STARD9: variants seen among roughly 807,000 people sequenced by gnomAD.
STARD9 encodes the protein StAR related lipid transfer domain containing 9.
STARD9 carries 346 observed loss-of-function variants against 399.8 expected under a neutral mutation model. The observed-to-expected ratio is 0.87, with a 90% confidence interval of 0.79 to 0.95. STARD9 has a LOEUF of 0.95. STARD9 is among the 40% of genes least tolerant of loss of function. The pLI, the probability that STARD9 is intolerant of heterozygous loss-of-function variation, is 0.00. For synonymous variants in STARD9, 2,203 were observed against 2,143.5 expected (o/e 1.03, Z -0.77); for missense variants, 5,832 against 5,667.5 (o/e 1.03, Z -0.93).
At chr15:42,604,600 T>C (rs2058693035) in intron 3 of STARD9, among the ~76,000 whole-genome samples, 1 of 151,128 alleles carries the variant, frequency 6.6e-6, no homozygotes, top group South Asian at 2.1e-4. Context: ...GTTCATAGTA[T>C]GATTGCTTTA....
In STARD9 at chr15:42,634,881, TA is replaced by T. The variant is rs1273384202; in HGVS notation, c.261del (p.Leu88CysfsTer35). 1 of 1,535,356 alleles carries T rather than the reference TA, an allele frequency of 6.5e-7. No individual in the cohort carries two copies. Among genetic ancestry groups the T allele is most frequent in the East Asian group, 2.4e-5 (1 of 40,836 alleles). ...DVVFQDLGME[V>X]LSGVAKGYNI... is the part of the protein sequence containing the mutation. ...GTTTTCCAGGATTTAGGGATGGAAGTACTGTCTGGAGTTGCCAAAGGCTATA... is the reference window on the plus strand; with the variant it reads ...GTTTTCCAGGATTTAGGGATGGAAGTCTGTCTGGAGTTGCCAAAGGCTATA... On this transcript the variant is annotated frameshift_variant, in exon 4 of 33. Transcript: ENST00000290607. LOFTEE classifies it high-confidence loss of function.
At chr15:42,615,540 A>G (rs1049238481) in intron 3 of STARD9, among the ~76,000 whole-genome samples, 1 of 151,664 alleles carries the variant, frequency 6.6e-6, no homozygotes, top group African/African-American at 2.4e-5. Flanking sequence ...ATATTAAAAA[A>G]CATCCCATAT....
At position 42,634,948 on chromosome 15, in the gene STARD9, G is replaced by A. The variant is rs2059392243; in HGVS notation, c.327G>A (p.Lys109=). The A allele has an allele frequency of 6.5e-7, 1 of 1,536,426 alleles. No homozygotes were observed. Among genetic ancestry groups the A allele is most frequent in the Non-Finnish European group, 8.7e-7 (1 of 1,146,308 alleles). The change falls in exon 4 of 33, where the codon AAG becomes AAA. Residue 109 remains lysine, a synonymous_variant. Transcript: ENST00000290607. The part of the protein sequence containing the change: ...LFAYGQTGSG[K]TYTMLGTPAS... ...CTTATGGACAGACAGGCTCTGGGAA[G>A]ACATATACCATGCTGGGGACCCCAG...
At chr15:42,663,712 T>G (rs918240978) in intron 12 of STARD9, 108 bp from the exon 13 acceptor site, 32 of 935,744 alleles carry the variant, frequency 3.4e-5, no homozygotes, top group Non-Finnish European at 5.1e-5. Flanking sequence ...CCTAGGTTTC[T>G]CATTTCATCA....
At chr15:42,597,701 A>G (rs749904148) in intron 3 of STARD9, among the ~76,000 whole-genome samples, 1 of 151,678 alleles carries the variant, frequency 6.6e-6, no homozygotes, top group Non-Finnish European at 1.5e-5. Context: ...ATGCCCAGCT[A>G]ATTTTTGTAT....
Position 42,689,212 on chromosome 15 carries a change from C to T in STARD9, c.7634C>T (p.Ala2545Val). The stretch of plus-strand genomic sequence containing the variant: ...AGGCTGTTGGAGCCCTCTGACCATG[C>T]ATCCATGTGCCTGGCCATCTTGGAG... Reference protein sequence around the residue: ...EPRLLEPSDHASMCLAILEEI... With the variant: ...EPRLLEPSDHVSMCLAILEEI... The change falls in exon 23 of 33, where the codon GCA becomes GTA. Residue 2545 changes from alanine (A) to valine (V), a missense_variant. Around this residue, in one of 2 missense-constraint regions of STARD9, gnomAD observed 5,828 missense variants for 5,651.1 expected, o/e 1.03. Coordinates refer to ENST00000290607, the MANE Select transcript of STARD9 (RefSeq NM_020759.3). 2 of 1,537,308 alleles carry T rather than the reference C, an allele frequency of 1.3e-6. No homozygotes were observed. Among genetic ancestry groups the T allele is most frequent in the Non-Finnish European group, 8.7e-7 (1 of 1,146,920 alleles).
chr15:42,681,256 A>G (rs1319434949), intron 20 of STARD9, among the ~76,000 whole-genome samples, 166 bp from the exon 21 acceptor site: 3 of 152,174 alleles, frequency 2.0e-5, no homozygotes, highest in Non-Finnish European at 4.4e-5. Context: ...TGACATCGTA[A>G]GCTGCCTGTG....
intron 3 of STARD9, among the ~76,000 whole-genome samples, chr15:42,610,837 G>A (rs961544977): frequency 5.3e-5 from 8 of 152,160 alleles, no homozygotes; most frequent in South Asian, 2.1e-4. Flanking sequence ...GTGAGCTACC[G>A]TGCCTGGCCC....
intron 26 of STARD9, among the ~76,000 whole-genome samples, chr15:42,702,164 G>A (rs2060979143): frequency 6.6e-6 from 1 of 152,076 alleles, no homozygotes; most frequent in African/African-American, 2.4e-5. Flanking sequence ...TCAGTTACTA[G>A]TTTATCTTCC....
chr15:42,666,750 G>A (rs964638844), intron 15 of STARD9, among the ~76,000 whole-genome samples: 5 of 152,182 alleles, frequency 3.3e-5, no homozygotes, highest in Non-Finnish European at 7.3e-5. Context: ...GTAACCCCGT[G>A]AGGGCAAGGA....
intron 8 of STARD9, 72 bp downstream of exon 8, chr15:42,651,157 G>T: frequency 8.7e-7 from 1 of 1,151,224 alleles, no homozygotes; most frequent in East Asian, 2.7e-5. Flanking sequence ...TTCCCTTTGG[G>T]GAGTGTATAA....
intron 3 of STARD9, among the ~76,000 whole-genome samples, chr15:42,633,816 G>A (rs897379980): frequency 2.0e-5 from 3 of 151,828 alleles, no homozygotes; most frequent in African/African-American, 7.3e-5. Context: ...GTAATTTTTT[G>A]TATTTTTAGT....
chr15:42,712,096 T>TAAAATATAAAATATA (rs1192910136), intron 26 of STARD9, among the ~76,000 whole-genome samples: 13 of 508 alleles, frequency 0.026, no homozygotes, highest in Non-Finnish European at 0.06. Flanking sequence ...TATATATATA[T>TAAAATATAAAATATA]AATATATAAT....
chr15:42,712,104 A>T (rs12592747), intron 26 of STARD9, among the ~76,000 whole-genome samples: 2 of 280 alleles, frequency 7.1e-3, no homozygotes, highest in South Asian at 0.12. Flanking sequence ...TATAATATAT[A>T]ATATATAATA....
At chr15:42,599,764 G>A (rs186343429) in intron 3 of STARD9, among the ~76,000 whole-genome samples, 128 of 152,338 alleles carry the variant, frequency 8.4e-4, no homozygotes, top group African/African-American at 2.5e-3. Flanking sequence ...CATTTAGGAA[G>A]CAACACATGG....
chr15:42,635,830 A>G (rs1202244410), intron 4 of STARD9, among the ~76,000 whole-genome samples: 1 of 152,216 alleles, frequency 6.6e-6, no homozygotes, highest in Non-Finnish European at 1.5e-5. Context: ...ATTGTGGCCA[A>G]GCTCCAAGCC....
intron 7 of STARD9, 58 bp downstream of exon 7, chr15:42,638,870 A>G: frequency 3.1e-6 from 3 of 972,638 alleles, no homozygotes; most frequent in Admixed American, 2.4e-5. Flanking sequence ...AAGCTCTCCT[A>G]ATGTTCCCTA....
rs1170499479 is a variant in STARD9 at position 42,684,819 on chromosome 15, G to A, written c.3241G>A (p.Val1081Ile). The change falls in exon 23 of 33, where the codon GTC (valine) becomes ATC (isoleucine). Residue 1081 changes from valine (V) to isoleucine (I), a missense_variant. Coordinates refer to ENST00000290607, the MANE Select transcript of STARD9 (RefSeq NM_020759.3). ...QQNTRDPDTM[V>I]PLTDFSPVMD... ...AAATACAAGGGACCCAGACACCATG[G>A]TCCCACTCACAGATTTCAGCCCAGT... The A allele has an allele frequency of 6.5e-7, 1 of 1,537,026 alleles. No individual in the cohort carries two copies. Among genetic ancestry groups the A allele is most frequent in the Non-Finnish European group, 8.7e-7 (1 of 1,146,924 alleles).
chr15:42,678,031 C>T (rs2060346674), intron 20 of STARD9, among the ~76,000 whole-genome samples: 1 of 152,222 alleles, frequency 6.6e-6, no homozygotes, highest in Non-Finnish European at 1.5e-5. Flanking sequence ...ATTTCAGAAT[C>T]AAGGCCTCTC....
Sources: gnomAD v4.1 joint callset for allele counts (sites outside exome capture counted in the v4.1 genomes callset) on GRCh38, gnomAD v4.1.1 for gene constraint, gnomAD v4.1.1 regional missense constraint, MANE v1.5 for transcripts, NCBI Gene and HGNC (gene_info 2026-07-23, HGNC 2026-07-21) for gene names.